The following TAF1 variants were observed in gnomAD, a reference collection of about 807,000 sequenced individuals.
TAF1 encodes the protein transcription initiation factor TFIID subunit 1.
A neutral mutation model predicts 138.5 loss-of-function variants in TAF1; 2 were observed. The observed-to-expected ratio is 0.01, with a 90% CI of 0.01 to 0.05. TAF1 has a LOEUF of 0.05. TAF1 is among the 10% of genes least tolerant of loss of function. The probability of loss-of-function intolerance (pLI) is 1.00; values close to 1 mark genes in which losing one functional copy is unlikely to be tolerated. For synonymous variants in TAF1, 437 were observed against 503.2 expected (o/e 0.87, Z 1.76); for missense variants, 709 against 1,478.0 (o/e 0.48, Z 8.53).
chrX:71,507,722 T>G (rs1397019164), intron 13 of TAF1, among the ~76,000 whole-genome samples: 1 of 111,705 alleles, frequency 9.0e-6, no homozygotes, highest in African/African-American at 3.3e-5. Flanking sequence ...CCCAAAGTGC[T>G]GGGATTACAG....
chrX:71,434,188 C>A (rs1373312135), intron 32 of TAF1, among the ~76,000 whole-genome samples: 1 of 111,617 alleles, frequency 9.0e-6, no homozygotes, highest in Non-Finnish European at 1.9e-5. Context: ...CGGCAAGAGA[C>A]CCTGTCTCTA....
intron 27 of TAF1, 68 bp downstream of exon 27, chrX:71,407,740 A>T: frequency 9.3e-7 from 1 of 1,079,319 alleles, no homozygotes; most frequent in Non-Finnish European, 1.3e-6. Context: ...GTGATTTCCA[A>T]TAGAGGGCAG....
intron 28 of TAF1, among the ~76,000 whole-genome samples, chrX:71,420,743 G>C (rs760185481): frequency 7.7e-4 from 87 of 112,999 alleles, no homozygotes; most frequent in East Asian, 1.1e-3. Flanking sequence ...ACCAGGCCTG[G>C]AGCTCCCGTG....
chrX:71,478,954 C>T lies in TAF1; in HGVS notation c.1366+18151C>T, dbSNP rs2039027159. ...CTAGCTGACTTAATCAGCAATTCTACCCCTAGGTATATATGCTAGAAAAAT... is the reference window on the plus strand; with the variant it reads ...CTAGCTGACTTAATCAGCAATTCTATCCCTAGGTATATATGCTAGAAAAAT... On this transcript the variant is annotated intron_variant and NMD_transcript_variant, in intron 13 of 14. Coordinates refer to the TAF1 transcript ENST00000373775. Among the ~76,000 whole-genome samples, 3 of 112,427 alleles carry T rather than the reference C, an allele frequency of 2.7e-5. No individual in the cohort carries two copies. The South Asian group carries it at 1.1e-3, about 41-fold the overall frequency.
intron 3 of TAF1, among the ~76,000 whole-genome samples, chrX:71,373,957 A>G (rs186162933): frequency 9.0e-6 from 1 of 111,687 alleles, no homozygotes; most frequent in East Asian, 2.8e-4. Flanking sequence ...AAGTGCTGGG[A>G]TTACAGGTGC....
At chrX:71,404,207 C>T (rs2035332375) in intron 25 of TAF1, among the ~76,000 whole-genome samples, 2 of 110,797 alleles carry the variant, frequency 1.8e-5, no homozygotes, top group African/African-American at 3.3e-5. Context: ...CTTCTGACCT[C>T]GTGATCCACC....
chrX:71,420,299 G>A (rs879193082), intron 28 of TAF1: 2 of 1,113,537 alleles, frequency 1.8e-6, no homozygotes, highest in African/African-American at 1.8e-5. Flanking sequence ...TAAATAGGGA[G>A]TCATCTAAGG....
At chrX:71,455,840 T>C (rs1361469314) in intron 34 of TAF1, among the ~76,000 whole-genome samples, 1 of 112,414 alleles carries the variant, frequency 8.9e-6, no homozygotes, top group Non-Finnish European at 1.9e-5. Context: ...CCCTCTGAAC[T>C]GATAATGCAA....
intron 13 of TAF1, among the ~76,000 whole-genome samples, chrX:71,523,907 C>T (rs1287301324): frequency 9.0e-6 from 1 of 110,745 alleles, no homozygotes; most frequent in Non-Finnish European, 1.9e-5. Flanking sequence ...TGCACAGGAA[C>T]TTTTAACTCA....
chrX:71,517,426 T>C (rs1424547119), intron 13 of TAF1, among the ~76,000 whole-genome samples: 2 of 111,953 alleles, frequency 1.8e-5, no homozygotes, highest in Admixed American at 9.6e-5. Context: ...TGTATGCCTG[T>C]ATCAAAATAT....
chrX:71,367,391 AT>A, intron 1 of TAF1, 107 bp from the exon 2 acceptor site: 1 of 970,639 alleles, frequency 1.0e-6, no homozygotes, highest in Admixed American at 2.7e-5. Context: ...CTGCACAGTC[AT>A]TTTTCATGTG....
chrX:71,443,330 A>G (rs1007584429), intron 32 of TAF1, among the ~76,000 whole-genome samples: 2 of 111,336 alleles, frequency 1.8e-5, no homozygotes, highest in Admixed American at 9.6e-5. Flanking sequence ...GTCCTCTTTT[A>G]TTTCGTTGAG....
chrX:71,407,604 A>G lies in TAF1; in HGVS notation c.4138A>G (p.Thr1380Ala). 8.3e-7 allele frequency: 1 copy of G among 1,211,769 alleles called. No individual in the cohort carries two copies. The highest frequency in any genetic ancestry group is 1.1e-6 in the Non-Finnish European group (1 of 895,458). ...TCATAAGTCCATCCACCGGCGCCGC[A>G]CAGACCCTATGGTGACGCTGTCGTC... ...RPHKSIHRRR[T>A]DPMVTLSSIL... The change falls in exon 27 of 38, where the codon ACA (threonine) becomes GCA (alanine). Residue 1380 changes from threonine to alanine, a missense_variant. Physicochemically the swap from Thr to Ala is moderately conservative, Grantham distance 58 (BLOSUM62 0). Coordinates refer to ENST00000423759, the MANE Select transcript of TAF1 (RefSeq NM_004606.5).
At chrX:71,460,579 C>T (rs746753863) in intron 36 of TAF1, 47 bp from the exon 37 acceptor site, 1 of 1,185,173 alleles carries the variant, frequency 8.4e-7, no homozygotes, top group East Asian at 3.0e-5. Flanking sequence ...CAAGTTAAAT[C>T]TGTCAAGCTT....
At chrX:71,377,226 A>C in intron 5 of TAF1, 35 bp downstream of exon 5, 1 of 1,203,622 alleles carries the variant, frequency 8.3e-7, no homozygotes, top group African/African-American at 1.7e-5. Context: ...ATTGCAAACC[A>C]CTGACCTCTT....
intron 32 of TAF1, among the ~76,000 whole-genome samples, chrX:71,444,587 C>G (rs2037593667): frequency 9.1e-6 from 1 of 110,416 alleles, no homozygotes; most frequent in African/African-American, 3.3e-5. Flanking sequence ...TTTGGGTGTG[C>G]ATGCCCGTAG....
At chrX:71,389,703 A>AAAC in intron 18 of TAF1, 38 bp downstream of exon 18, 1 of 1,031,320 alleles carries the variant, frequency 9.7e-7, no homozygotes, top group Non-Finnish European at 1.3e-6. Flanking sequence ...TCATTAATAC[A>AAAC]TCTCATTTAT....
At chrX:71,450,217 T>A (rs1417574177) in intron 32 of TAF1, among the ~76,000 whole-genome samples, 1 of 110,605 alleles carries the variant, frequency 9.0e-6, no homozygotes, top group Non-Finnish European at 1.9e-5. Flanking sequence ...TTTTTTTTTT[T>A]TTTGAGACAG....
chrX:71,422,208 T>G (rs1328289445), intron 29 of TAF1, among the ~76,000 whole-genome samples: 3 of 111,535 alleles, frequency 2.7e-5, no homozygotes, highest in Non-Finnish European at 5.6e-5. Context: ...TTTGTGTGTG[T>G]GGGGAGCTAT....
Sources: gnomAD v4.1 joint callset for allele counts (sites outside exome capture counted in the v4.1 genomes callset) on GRCh38, gnomAD v4.1.1 for gene constraint, MANE v1.5 for transcripts, NCBI Gene and HGNC (gene_info 2026-07-23, HGNC 2026-07-21) for gene names.